ANKS1B: variants seen among roughly 807,000 people sequenced by gnomAD.
The protein encoded by ANKS1B is ankyrin repeat and sterile alpha motif domain containing 1B.
ANKS1B carries 36 observed loss-of-function variants against 148.3 expected under a neutral mutation model. The ratio of observed to expected loss-of-function variants is 0.24; its 90% CI spans 0.19 to 0.32. The LOEUF (loss-of-function observed/expected upper bound fraction) is 0.32. Among genes scored for constraint, ANKS1B ranks in the 10% least tolerant of loss-of-function variants. The pLI, the probability that ANKS1B is intolerant of heterozygous loss-of-function variation, is 1.00. For synonymous variants in ANKS1B, 542 were observed against 560.8 expected, an observed-to-expected ratio of 0.97 and a Z score of 0.47; for missense variants, 1,157 against 1,542.6, an observed-to-expected ratio of 0.75 and a Z score of 4.19.
At chr12:99,053,047 A>G in intron 17 of ANKS1B, 110 bp downstream of exon 17, 1 of 953,966 alleles carries the variant, frequency 1.0e-6, no homozygotes, top group Non-Finnish European at 1.5e-6. Context: ...TTAAAACAGA[A>G]GGCATATCTA....
At chr12:99,006,899 C>T (rs1012834785) in intron 17 of ANKS1B, among the ~76,000 whole-genome samples, 9 of 152,152 alleles carry the variant, frequency 5.9e-5, no homozygotes, top group East Asian at 1.9e-4. Flanking sequence ...TGAGTTAAAA[C>T]GACTCACCTT....
intron 10 of ANKS1B, among the ~76,000 whole-genome samples, chr12:99,447,892 T>C (rs1238070784): frequency 6.6e-6 from 1 of 151,908 alleles, no homozygotes; most frequent in Non-Finnish European, 1.5e-5. Flanking sequence ...AAATCAGAAC[T>C]ACAATGAAAT....
In ANKS1B at chr12:99,714,210, C is replaced by T. The variant is rs188775286; in HGVS notation, c.1128+58712G>A. 3.7e-3 allele frequency among the ~76,000 whole-genome samples: 567 copies of T among 151,850 alleles called. 11 individuals carry two copies. Among genetic ancestry groups the T allele is most frequent in the Non-Finnish European group, 1.4e-3 (98 of 67,968 alleles). On this transcript the variant is annotated intron_variant, in intron 8 of 26. Coordinates refer to ENST00000683438, the MANE Select transcript of ANKS1B (RefSeq NM_001352186.2). ...CATCACATCTCTTTCTCTCCCTCTG[C>T]TTCTGTCATGGCATTGCTTTTTATG...
intron 4 of ANKS1B, among the ~76,000 whole-genome samples, chr12:99,793,369 A>G (rs1194407647): frequency 6.6e-6 from 1 of 151,990 alleles, no homozygotes; most frequent in Non-Finnish European, 1.5e-5. Context: ...CCAAATACCC[A>G]GAATAGCCAA....
rs77632643 is a variant in ANKS1B, at chr12:99,422,816, A to G, written c.1575+20857T>C. ...CTGATGGAAATGAGGTGGTAAAAAG[A>G]GATATATTAAAGAGATAAGAACAAA... is the stretch of plus-strand genomic sequence containing the variant. On this transcript the variant is annotated intron_variant, in intron 11 of 26. Coordinates refer to ENST00000683438, the MANE Select transcript of ANKS1B (RefSeq NM_001352186.2). 6.0e-3 allele frequency among the ~76,000 whole-genome samples: 921 copies of G among 152,286 alleles called. 9 individuals are homozygous for G. Among genetic ancestry groups the G allele is most frequent in the African/African-American group, 0.02 (832 of 41,540 alleles).
At chr12:99,879,233 G>A (rs1319363436) in intron 1 of ANKS1B, among the ~76,000 whole-genome samples, 5 of 152,186 alleles carry the variant, frequency 3.3e-5, no homozygotes, top group African/African-American at 1.2e-4. Context: ...CTGAAGAGGT[G>A]TTAAGAGAGA....
At chr12:98,799,721 C>T (rs191005185) in intron 21 of ANKS1B, among the ~76,000 whole-genome samples, 2 of 152,198 alleles carry the variant, frequency 1.3e-5, no homozygotes, top group East Asian at 3.9e-4. Flanking sequence ...GCCCCTCGTG[C>T]TCCAGCTTCT....
At chr12:99,597,788 G>A (rs2153275749) in intron 9 of ANKS1B, among the ~76,000 whole-genome samples, 1 of 152,050 alleles carries the variant, frequency 6.6e-6, no homozygotes, top group South Asian at 2.1e-4. Flanking sequence ...ATAAAATGGA[G>A]ATCAAGGCAC....
chr12:98,881,997 G>T (rs1022951068), intron 17 of ANKS1B, among the ~76,000 whole-genome samples: 1 of 152,056 alleles, frequency 6.6e-6, no homozygotes, highest in Non-Finnish European at 1.5e-5. Context: ...AGTAGAAAGA[G>T]ATATTTTTGC....
intron 12 of ANKS1B, among the ~76,000 whole-genome samples, chr12:99,255,877 T>C (rs576685370): frequency 6.6e-6 from 1 of 152,326 alleles, no homozygotes; most frequent in South Asian, 2.1e-4. Flanking sequence ...TCAAGATCAC[T>C]TTTTGTGACT....
At chr12:99,761,169 A>C (rs1169473633) in intron 8 of ANKS1B, among the ~76,000 whole-genome samples, 2 of 151,754 alleles carry the variant, frequency 1.3e-5, no homozygotes, top group African/African-American at 4.8e-5. Flanking sequence ...ATTCCAAAAA[A>C]TTGAGGAGAA....
rs2099779449 is a variant in ANKS1B, at chr12:98,906,613, G to A, written c.2779-74477C>T. 2.6e-5 allele frequency among the ~76,000 whole-genome samples: 4 copies of A among 152,174 alleles called. No individual in the cohort carries two copies. In the South Asian group the frequency reaches 8.3e-4, roughly 32 times the overall value. ...CGACTGGCTTCCCTCTGTCACTCAG[G>A]ATGCATGGCCACTGTTGGTTGAAGG... On this transcript the variant is annotated intron_variant, in intron 17 of 26. Transcript: ENST00000683438.
At chr12:99,703,877 A>C (rs2055288055) in intron 8 of ANKS1B, among the ~76,000 whole-genome samples, 1 of 152,140 alleles carries the variant, frequency 6.6e-6, no homozygotes, top group Non-Finnish European at 1.5e-5. Context: ...GAATATTTTA[A>C]ATTTGGTTTG....
chr12:98,741,612 G>C (rs541225568), downstream of ANKS1B, among the ~76,000 whole-genome samples: 5 of 152,264 alleles, frequency 3.3e-5, no homozygotes, highest in East Asian at 9.6e-4. Context: ...TGTATGGCTT[G>C]GAAGGCATGT....
At chr12:99,332,680 C>T (rs2087812422) in intron 12 of ANKS1B, among the ~76,000 whole-genome samples, 1 of 128,172 alleles carries the variant, frequency 7.8e-6, no homozygotes, top group South Asian at 2.8e-4. Flanking sequence ...TAGAGGTGAG[C>T]TGAGCTTTCA....
At chr12:99,031,072 G>A (rs2099951810) in intron 17 of ANKS1B, among the ~76,000 whole-genome samples, 1 of 152,060 alleles carries the variant, frequency 6.6e-6, no homozygotes, top group African/African-American at 2.4e-5. Context: ...CCTTTAAAAG[G>A]AATTTCAAAA....
chr12:99,183,105 T>C (rs1057344137), intron 14 of ANKS1B, among the ~76,000 whole-genome samples: 1 of 152,202 alleles, frequency 6.6e-6, no homozygotes, highest in African/African-American at 2.4e-5. Context: ...TCTCCCACTC[T>C]ATGGGTTATT....
At chr12:99,950,695 C>G (rs1442088826) in intron 1 of ANKS1B, among the ~76,000 whole-genome samples, 1 of 151,974 alleles carries the variant, frequency 6.6e-6, no homozygotes, top group African/African-American at 2.4e-5. Flanking sequence ...TCAAACACAC[C>G]AAATACTTCA....
intron 14 of ANKS1B, among the ~76,000 whole-genome samples, chr12:99,239,283 A>G (rs531935740): frequency 1.3e-3 from 197 of 152,346 alleles, no homozygotes; most frequent in African/African-American, 4.3e-3. Context: ...ACAAGCATCA[A>G]TAGCTGATTT....
Sources: gnomAD v4.1 joint callset for allele counts (sites outside exome capture counted in the v4.1 genomes callset) on GRCh38, gnomAD v4.1.1 for gene constraint, MANE v1.5 for transcripts, NCBI Gene and HGNC (gene_info 2026-07-23, HGNC 2026-07-21) for gene names.